The following SNTB2 variants were observed in gnomAD, a reference collection of about 807,000 sequenced individuals.
SNTB2 encodes the protein syntrophin beta 2.
SNTB2 carries 34 observed loss-of-function variants against 46.2 expected under a neutral mutation model. That is an observed-to-expected ratio of 0.74 (90% CI 0.56 to 0.98). The LOEUF (loss-of-function observed/expected upper bound fraction) is 0.98. Ranked by LOEUF, SNTB2 falls within the 50% of genes least tolerant of loss-of-function variation. The pLI is 0.00. For synonymous variants in SNTB2, 290 were observed against 312.6 expected, an observed-to-expected ratio of 0.93 and a Z score of 0.76; for missense variants, 603 against 731.4, an observed-to-expected ratio of 0.82 and a Z score of 2.02.
intron 3 of SNTB2, among the ~76,000 whole-genome samples, chr16:69,261,093 T>C (rs1204908191): frequency 6.6e-6 from 1 of 152,164 alleles, no homozygotes; most frequent in African/African-American, 2.4e-5. Context: ...GATGAGTGTT[T>C]AAGTGCTAGC....
rs375616677 is a variant in SNTB2 at position 69,284,166 on chromosome 16, C to G, written c.1267C>G (p.Arg423Gly). ...GCATCTCTTCAGGGTGGAGACACAT[C>G]GGGATCTGTCATCCTGGACCAGGAT... ...EMHLFRVETHRDLSSWTRILV... is the reference protein window; with the variant it reads ...EMHLFRVETHGDLSSWTRILV... Residue 423 changes from arginine to glycine, a missense_variant, in exon 5 of 7, where the codon CGG becomes GGG. Around this residue, in one of 2 missense-constraint regions of SNTB2, gnomAD observed 537 missense variants for 692.4 expected, o/e 0.78. Coordinates refer to ENST00000336278, the MANE Select transcript of SNTB2 (RefSeq NM_006750.4). The G allele has an allele frequency of 6.2e-7, 1 of 1,614,010 alleles. No individual in the cohort carries two copies. The highest frequency in any genetic ancestry group is 8.5e-7 in the Non-Finnish European group (1 of 1,179,978).
Position 69,237,245 on chromosome 16 carries a change from A to AG in SNTB2, c.581-8356dup, listed in dbSNP as rs148447850. Among the ~76,000 whole-genome samples, 678 of 152,288 alleles carry AG rather than the reference A, an allele frequency of 4.5e-3. 5 individuals carry two copies. Among genetic ancestry groups the AG allele is most frequent in the East Asian group, 0.026 (137 of 5,184 alleles). On this transcript the variant is annotated intron_variant, in intron 1 of 6. Coordinates refer to ENST00000336278, the MANE Select transcript of SNTB2 (RefSeq NM_006750.4). ...ACACCTGGATTATAGGGATAGGAGG[A>AG]GAAAAAAGGCACTTAAAAAATAAAT...
intron 2 of SNTB2, among the ~76,000 whole-genome samples, chr16:69,254,587 C>T (rs1964755269): frequency 6.6e-6 from 1 of 152,168 alleles, no homozygotes; most frequent in South Asian, 2.1e-4. Flanking sequence ...TTTAAAACTT[C>T]AGCCCTGCAA....
chr16:69,288,936 G>A (rs1249952553), intron 5 of SNTB2, among the ~76,000 whole-genome samples: 1 of 152,100 alleles, frequency 6.6e-6, no homozygotes, highest in Admixed American at 6.6e-5. Context: ...AATAAGGCAG[G>A]CATAGAAAGA....
chr16:69,191,228 A>T (rs975940407), intron 1 of SNTB2: 1 of 150,020 alleles, frequency 6.7e-6, no homozygotes, highest in African/African-American at 2.5e-5. Context: ...CTTTAAAAAA[A>T]AAAAAAGAAA....
intron 1 of SNTB2, chr16:69,235,925 A>G (rs993967634): frequency 7.9e-6 from 9 of 1,146,422 alleles, no homozygotes; most frequent in Non-Finnish European, 9.1e-6. Flanking sequence ...TTACTGGTTT[A>G]TCTGTGCTAC....
At chr16:69,249,997 G>A (rs868430599) in intron 2 of SNTB2, among the ~76,000 whole-genome samples, 18 of 152,136 alleles carry the variant, frequency 1.2e-4, no homozygotes, top group Admixed American at 5.9e-4. Context: ...TATTCGGGAG[G>A]CTGAGATAGG....
chr16:69,213,822 C>CTTTTTTT (rs35759695), intron 1 of SNTB2, among the ~76,000 whole-genome samples: 1 of 91,642 alleles, frequency 1.1e-5, no homozygotes, highest in Non-Finnish European at 2.1e-5. Flanking sequence ...TTTTAGAGTT[C>CTTTTTTT]TTTTTTTTTT....
At chr16:69,232,486 T>C (rs1439782169) in intron 1 of SNTB2, among the ~76,000 whole-genome samples, 2 of 144,600 alleles carry the variant, frequency 1.4e-5, no homozygotes, top group African/African-American at 5.2e-5. Context: ...ATTACAGGTG[T>C]GAGCCACGGT....
At chr16:69,213,908 T>C (rs555557027) in intron 1 of SNTB2, among the ~76,000 whole-genome samples, 1 of 131,202 alleles carries the variant, frequency 7.6e-6, no homozygotes, top group East Asian at 2.5e-4. Flanking sequence ...CTGCAACCTC[T>C]GCTCCCAGGT....
intron 2 of SNTB2, 42 bp from the exon 3 acceptor site, chr16:69,260,008 T>G (rs1018469726): frequency 6.6e-7 from 1 of 1,526,348 alleles, no homozygotes; most frequent in Non-Finnish European, 9.1e-7. Flanking sequence ...GTTTGGTGAC[T>G]TCTGTCCTAG....
chr16:69,187,773 G>GGGGGGC, intron 1 of SNTB2, 27 bp downstream of exon 1: 4 of 331,846 alleles, frequency 1.2e-5, no homozygotes, highest in Non-Finnish European at 2.2e-5. Flanking sequence ...GGGAGGGTGG[G>GGGGGGC]CAGGCCGCGG....
intron 2 of SNTB2, among the ~76,000 whole-genome samples, chr16:69,250,825 G>A (rs1469323010): frequency 2.6e-5 from 4 of 151,872 alleles, no homozygotes; most frequent in African/African-American, 7.3e-5. Context: ...GCAGTGAGCC[G>A]AGATTGTGCC....
At chr16:69,192,504 C>T (rs376239769) in intron 1 of SNTB2, among the ~76,000 whole-genome samples, 1 of 151,876 alleles carries the variant, frequency 6.6e-6, no homozygotes, top group African/African-American at 2.4e-5. Context: ...CTGGGGTTTG[C>T]GAAGAAAAAT....
At position 69,305,209 on chromosome 16, in the gene SNTB2, T is replaced by C. The variant is rs1436464575; in HGVS notation, c.*4285T>C. The stretch of plus-strand genomic sequence containing the variant: ...CTCTGTTCATATATTTTAATGCAAA[T>C]TACCTTGTATGCTGCTATGCAAATT... On this transcript the variant is annotated 3_prime_UTR_variant, in exon 7 of 7. Transcript: ENST00000336278. 6.6e-6 allele frequency: 1 copy of C among 152,650 alleles called. No homozygotes were observed. The highest frequency in any genetic ancestry group is 1.5e-5 in the Non-Finnish European group (1 of 68,050). The allele number at this position is 152,650 out of a possible 1,614,324, so 9.5% of individuals were successfully genotyped here.
intron 4 of SNTB2, among the ~76,000 whole-genome samples, chr16:69,271,978 A>T (rs1175911277): frequency 6.6e-6 from 1 of 152,212 alleles, no homozygotes; most frequent in Non-Finnish European, 1.5e-5. Flanking sequence ...GCAAGTAGGG[A>T]AAAGATACAG....
intron 5 of SNTB2, among the ~76,000 whole-genome samples, chr16:69,287,504 A>T (rs1473177899): frequency 6.6e-6 from 1 of 152,078 alleles, no homozygotes; most frequent in Non-Finnish European, 1.5e-5. Flanking sequence ...CGGGAGGTGG[A>T]GATTGCAACA....
chr16:69,201,814 A>G (rs1262369880), intron 1 of SNTB2, among the ~76,000 whole-genome samples: 1 of 152,138 alleles, frequency 6.6e-6, no homozygotes, highest in Admixed American at 6.6e-5. Context: ...TGAGAATTCA[A>G]TAGTATTATT....
intron 1 of SNTB2, among the ~76,000 whole-genome samples, chr16:69,189,690 T>C (rs1312816694): frequency 6.6e-6 from 1 of 152,234 alleles, no homozygotes; most frequent in Admixed American, 6.5e-5. Flanking sequence ...TGAGCCAAGA[T>C]CTCACCACTG....
Sources: gnomAD v4.1 joint callset for allele counts (sites outside exome capture counted in the v4.1 genomes callset) on GRCh38, gnomAD v4.1.1 for gene constraint, gnomAD v4.1.1 regional missense constraint, MANE v1.5 for transcripts, NCBI Gene and HGNC (gene_info 2026-07-23, HGNC 2026-07-21) for gene names.